Variants in ATP8A2 observed in about 807,000 individuals in gnomAD.
ATP8A2 encodes ATPase phospholipid transporting 8A2.
Under a neutral mutation model 165.6 loss-of-function variants are expected in ATP8A2, and 100 were observed. The observed-to-expected ratio is 0.60, with a 90% CI of 0.51 to 0.71. The LOEUF (loss-of-function observed/expected upper bound fraction) is 0.71, where lower values mean the gene tolerates loss of function less well. ATP8A2 is among the 30% of genes least tolerant of loss of function. The pLI is 0.00. For synonymous variants in ATP8A2, 543 were observed against 548.8 expected (o/e 0.99, Z 0.15); for missense variants, 1,227 against 1,479.5 (o/e 0.83, Z 2.80).
chr13:25,663,412 T>C (rs1477989163), intron 24 of ATP8A2, among the ~76,000 whole-genome samples: 5 of 152,188 alleles, frequency 3.3e-5, no homozygotes, highest in African/African-American at 1.2e-4. Context: ...GGAGAGGTAT[T>C]CTTTAAGTCA....
rs77086372 is a variant in ATP8A2, at chr13:25,943,512, A to G, written c.3184-18063A>G. ...GCTTGTAGTCTACAAGCAATGGGCTATAAAAGATAGCCTAGGTGTCTAGTG... is the reference window on the plus strand; with the variant it reads ...GCTTGTAGTCTACAAGCAATGGGCTGTAAAAGATAGCCTAGGTGTCTAGTG... On this transcript the variant is annotated intron_variant, in intron 33 of 36. Transcript: ENST00000381655. Among the ~76,000 whole-genome samples the G allele has an allele frequency of 4.4e-3, 674 of 152,340 alleles. 5 individuals are homozygous for G. The highest frequency in any genetic ancestry group is 0.015 in the African/African-American group (608 of 41,580).
In ATP8A2 at chr13:25,961,616, A is replaced by G; in HGVS notation, c.3225A>G (p.Leu1075=). 1 of 1,614,020 alleles carries G rather than the reference A, an allele frequency of 6.2e-7. No homozygotes were observed. ...VLSSAHFWLG[L]FLVPTACLIE... ...GCTCCGCACACTTCTGGTTGGGATT[A>G]TTTCTGGTTCCTACTGCCTGTTTGA... Residue 1075 remains leucine, a synonymous_variant, in exon 34 of 37, where the codon TTA becomes TTG. Transcript: ENST00000381655.
At chr13:25,527,874 A>G (rs1363826654) in intron 2 of ATP8A2, among the ~76,000 whole-genome samples, 1 of 152,236 alleles carries the variant, frequency 6.6e-6, no homozygotes, top group African/African-American at 2.4e-5. Flanking sequence ...TGGTTTATAC[A>G]GATGGAATCT....
rs34413425 is a variant in ATP8A2 at position 25,697,268 on chromosome 13, TTTGTTGTTG to T, written c.2212-1887_2212-1879del. Reference sequence around the variant, plus strand: ...TATTTTCCTTGATAGGGAAAATTCTTTTGTTGTTGTTGTTGTTGTTGTTGTTTTTGAGAC... The same window carrying T: ...TATTTTCCTTGATAGGGAAAATTCTTTTGTTGTTGTTGTTGTTTTTGAGAC... On this transcript the variant is annotated intron_variant, in intron 24 of 36. Transcript: ENST00000381655. 3.3e-5 allele frequency among the ~76,000 whole-genome samples: 5 copies of T among 150,886 alleles called. No homozygotes were observed. The South Asian group carries it at 6.3e-4, about 19-fold the overall frequency.
At chr13:25,586,460 G>A (rs1358831370) in intron 23 of ATP8A2, among the ~76,000 whole-genome samples, 1 of 152,192 alleles carries the variant, frequency 6.6e-6, no homozygotes, top group Non-Finnish European at 1.5e-5. Flanking sequence ...GTGCCCAGGC[G>A]TGTGCTCCAG....
chr13:25,542,651 T>G (rs780441009), intron 9 of ATP8A2, among the ~76,000 whole-genome samples: 5 of 152,148 alleles, frequency 3.3e-5, no homozygotes, highest in Non-Finnish European at 5.9e-5. Context: ...TCTTGCAATG[T>G]CCTTTATATT....
intron 1 of ATP8A2, among the ~76,000 whole-genome samples, chr13:25,387,913 A>G (rs545096745): frequency 1.6e-4 from 24 of 152,066 alleles, no homozygotes; most frequent in African/African-American, 5.8e-4. Context: ...AAAATATAAA[A>G]TTAGCCAGGT....
intron 1 of ATP8A2, among the ~76,000 whole-genome samples, chr13:25,408,746 C>T (rs2033882555): frequency 6.6e-6 from 1 of 152,168 alleles, no homozygotes; most frequent in South Asian, 2.1e-4. Context: ...CCTCAGATCT[C>T]TTATGCTTTG....
At chr13:25,453,725 A>C (rs138540328) in intron 1 of ATP8A2, among the ~76,000 whole-genome samples, 3 of 152,300 alleles carry the variant, frequency 2.0e-5, no homozygotes, top group African/African-American at 7.2e-5. Context: ...AAGTGTTTTG[A>C]TTTTGTGAAG....
intron 24 of ATP8A2, among the ~76,000 whole-genome samples, chr13:25,599,698 A>G (rs146436316): frequency 5.7e-4 from 86 of 151,508 alleles, no homozygotes; most frequent in African/African-American, 2.0e-3. Context: ...AGGAGAAAAG[A>G]AGACCAGAAT....
intron 1 of ATP8A2, among the ~76,000 whole-genome samples, chr13:25,432,334 A>T (rs1236034501): frequency 1.3e-5 from 2 of 152,178 alleles, no homozygotes; most frequent in African/African-American, 4.8e-5. Flanking sequence ...TCATGGCCAG[A>T]AAACAACTTT....
At chr13:25,723,428 A>C (rs1220391722) in intron 25 of ATP8A2, among the ~76,000 whole-genome samples, 1 of 152,046 alleles carries the variant, frequency 6.6e-6, no homozygotes, top group Non-Finnish European at 1.5e-5. Flanking sequence ...ATCTTTAGCA[A>C]TGTGTTTTTG....
chr13:25,447,306 C>T (rs1304687905), intron 1 of ATP8A2, among the ~76,000 whole-genome samples: 1 of 151,888 alleles, frequency 6.6e-6, no homozygotes, highest in Middle Eastern at 3.2e-3. Context: ...TTATGGGGTA[C>T]ATGTTATTTT....
At chr13:25,894,748 A>G (rs1953481376) in intron 33 of ATP8A2, among the ~76,000 whole-genome samples, 1 of 152,170 alleles carries the variant, frequency 6.6e-6, no homozygotes, top group Non-Finnish European at 1.5e-5. Context: ...GAGGTCCTTC[A>G]CATCCCTTGT....
chr13:25,858,526 G>A (rs1952237924), intron 30 of ATP8A2, among the ~76,000 whole-genome samples: 1 of 152,166 alleles, frequency 6.6e-6, no homozygotes, highest in Non-Finnish European at 1.5e-5. Flanking sequence ...CTGGAATCGG[G>A]AGACTGTGTG....
chr13:25,722,248 C>T (rs547693597), intron 25 of ATP8A2, among the ~76,000 whole-genome samples: 3 of 152,172 alleles, frequency 2.0e-5, no homozygotes, highest in Non-Finnish European at 4.4e-5. Context: ...TTAGTAGCCT[C>T]CTCAGTTCAA....
Position 26,021,523 on chromosome 13 carries a change from T to C in ATP8A2, c.*1538T>C, listed in dbSNP as rs1242785833. 2 of 152,226 alleles carry C rather than the reference T, an allele frequency of 1.3e-5. No individual in the cohort carries two copies. The highest frequency in any genetic ancestry group is 2.9e-5 in the Non-Finnish European group (2 of 68,056). The allele number at this position is 152,226 out of a possible 1,614,324, so 9.4% of individuals were successfully genotyped here. On this transcript the variant is annotated 3_prime_UTR_variant, in exon 37 of 37. Coordinates refer to ENST00000381655, the MANE Select transcript of ATP8A2 (RefSeq NM_016529.6). Reference sequence around the variant, plus strand: ...AAGTGAAGAGCGGAATCACTGACTTTCCCAACTGCAGAGTCCCACACTTAA... The same window carrying C: ...AAGTGAAGAGCGGAATCACTGACTTCCCCAACTGCAGAGTCCCACACTTAA...
At chr13:25,766,306 G>A (rs566200692) in intron 25 of ATP8A2, among the ~76,000 whole-genome samples, 4 of 152,242 alleles carry the variant, frequency 2.6e-5, no homozygotes, top group Non-Finnish European at 5.9e-5. Flanking sequence ...TTATTAAGTA[G>A]GTAAAGTCAA....
At chr13:25,968,783 A>T in intron 35 of ATP8A2, 104 bp downstream of exon 35, 1 of 882,918 alleles carries the variant, frequency 1.1e-6, no homozygotes, top group Non-Finnish European at 1.8e-6. Flanking sequence ...CGATGGGAGC[A>T]CAGTATGCTC....
Sources: allele counts gnomAD v4.1 joint callset (sites outside exome capture counted in the v4.1 genomes callset), GRCh38; gene constraint gnomAD v4.1.1; transcripts MANE v1.5; gene names NCBI Gene and HGNC (gene_info 2026-07-23, HGNC 2026-07-21).